Variants in NPHP4 observed in about 807,000 individuals in gnomAD.
NPHP4 encodes the protein nephrocystin 4.
Under a neutral mutation model 155.8 loss-of-function variants are expected in NPHP4, and 151 were observed. The observed-to-expected ratio is 0.97, with a 90% confidence interval of 0.85 to 1.11. The LOEUF (loss-of-function observed/expected upper bound fraction) is 1.11. NPHP4 is among the 50% of genes least tolerant of loss of function. NPHP4 has a pLI of 0.00. For synonymous variants in NPHP4, 845 were observed against 816.8 expected, an observed-to-expected ratio of 1.03 and a Z score of -0.59; for missense variants, 1,956 against 1,925.7, an observed-to-expected ratio of 1.02 and a Z score of -0.29.
chr1:5,985,987 T>C (rs960163245), intron 2 of NPHP4, among the ~76,000 whole-genome samples, 168 bp downstream of exon 2: 2 of 152,134 alleles, frequency 1.3e-5, no homozygotes, highest in African/African-American at 4.8e-5. Context: ...TGTAATATAT[T>C]GAAAACAGCA....
chr1:5,956,238 G>A (rs959926955), intron 6 of NPHP4, among the ~76,000 whole-genome samples: 3 of 152,226 alleles, frequency 2.0e-5, no homozygotes. Flanking sequence ...GCAGAAGTCA[G>A]TGCTCCTGGA....
At chr1:5,935,094 T>G (rs1646470785) in intron 9 of NPHP4, among the ~76,000 whole-genome samples, 1 of 152,214 alleles carries the variant, frequency 6.6e-6, no homozygotes, top group East Asian at 1.9e-4. Flanking sequence ...CAAGCAGATG[T>G]GAATACAGAA....
In NPHP4 at chr1:5,863,913, G is replaced by A. The variant is rs1417370808; in HGVS notation, c.4117C>T (p.Arg1373Trp). 15 of 1,613,926 alleles carry A rather than the reference G, an allele frequency of 9.3e-6. No homozygotes were observed. The highest frequency in any genetic ancestry group is 1.7e-4 in the Middle Eastern group (1 of 6,034). The change falls in exon 29 of 30, where the codon CGG becomes TGG. Residue 1373 changes from arginine to tryptophan, a missense_variant. Transcript: ENST00000378156. The stretch of plus-strand genomic sequence containing the variant: ...ACCTGGAAGGAGTCCTCTCTGAACC[G>A]CAGCAGCTCCGGGTGGTCGCTGTGC... The part of the protein sequence containing the change: ...HLHSDHPELL[R>W]FREDSFQVGG...
In NPHP4 at chr1:5,867,732, G is replaced by A. The variant is rs758973620; in HGVS notation, c.3472+8C>T. 6.2e-7 allele frequency: 1 copy of A among 1,608,302 alleles called. No individual in the cohort carries two copies. The highest frequency in any genetic ancestry group is 1.1e-5 in the South Asian group (1 of 91,078). On this transcript the variant is annotated splice_region_variant and intron_variant, in intron 24 of 29. Coordinates refer to ENST00000378156, the MANE Select transcript of NPHP4 (RefSeq NM_015102.5). This position sits in a 1 kb window ranked among gnomAD's most constrained non-coding sequence, Gnocchi z 4.1. ...ACATGTGGGCTGCAGGGTCAGTGCA[G>A]GACCTGCCTGGAAATGTGTGCCAGG...
chr1:5,879,315 G>A, intron 19 of NPHP4: 1 of 324,272 alleles, frequency 3.1e-6, no homozygotes, highest in Non-Finnish European at 6.1e-6. Context: ...CAAATGACAA[G>A]TACTTTATAC....
At chr1:5,977,131 A>G (rs999223398) in intron 3 of NPHP4, among the ~76,000 whole-genome samples, 1 of 150,856 alleles carries the variant, frequency 6.6e-6, no homozygotes, top group African/African-American at 2.4e-5. Flanking sequence ...AACTCCCCCC[A>G]CTCGAGTTCA....
intron 22 of NPHP4, chr1:5,873,904 C>T (rs768634073): frequency 2.8e-5 from 6 of 213,566 alleles, no homozygotes; most frequent in South Asian, 6.7e-5. Context: ...GACCCCTACA[C>T]GCACAACTCC....
intron 1 of NPHP4, among the ~76,000 whole-genome samples, chr1:5,990,776 G>A (rs1308581122): frequency 6.6e-6 from 1 of 152,206 alleles, no homozygotes; most frequent in Non-Finnish European, 1.5e-5. Flanking sequence ...GAGCACCAAA[G>A]GAACCCAGGG....
chr1:5,917,917 T>C (rs1010493481), intron 11 of NPHP4, among the ~76,000 whole-genome samples: 4 of 152,178 alleles, frequency 2.6e-5, no homozygotes, highest in African/African-American at 9.7e-5. Flanking sequence ...AGGCCTCCCC[T>C]TCCTACTGGC....
intron 16 of NPHP4, among the ~76,000 whole-genome samples, chr1:5,900,085 C>G (rs1644595833): frequency 6.6e-6 from 1 of 152,188 alleles, no homozygotes; most frequent in East Asian, 1.9e-4. Flanking sequence ...GGATATGGAG[C>G]AACCAGAATC....
intron 22 of NPHP4, chr1:5,873,554 C>A: frequency 1.7e-6 from 1 of 591,158 alleles, no homozygotes. Flanking sequence ...AAACCCGGCT[C>A]TGCCTGAAGC....
At chr1:5,979,209 C>T (rs1239748250) in intron 2 of NPHP4, among the ~76,000 whole-genome samples, 1 of 152,244 alleles carries the variant, frequency 6.6e-6, no homozygotes, top group Non-Finnish European at 1.5e-5. Flanking sequence ...GTTACTTACA[C>T]ATCTATTCTG....
At chr1:5,938,995 A>G (rs943842659) in intron 9 of NPHP4, among the ~76,000 whole-genome samples, 1 of 152,248 alleles carries the variant, frequency 6.6e-6, no homozygotes, top group Non-Finnish European at 1.5e-5. Flanking sequence ...TACTAAAAAC[A>G]TAATGCTATA....
intron 18 of NPHP4, 34 bp downstream of exon 18, chr1:5,887,252 G>A (rs757712543): frequency 1.5e-4 from 232 of 1,584,558 alleles, no homozygotes; most frequent in African/African-American, 1.9e-4. Flanking sequence ...TTGGGCGGCC[G>A]CTGGAGAAAT....
At chr1:5,909,586 G>A (rs1645077960) in intron 11 of NPHP4, among the ~76,000 whole-genome samples, 1 of 152,170 alleles carries the variant, frequency 6.6e-6, no homozygotes, top group Non-Finnish European at 1.5e-5. Context: ...CCCCAGTCTT[G>A]CAGCTCCCTG....
At chr1:5,891,497 G>A (rs892794397) in intron 16 of NPHP4, among the ~76,000 whole-genome samples, 107 of 152,306 alleles carry the variant, frequency 7.0e-4, no homozygotes, top group African/African-American at 2.4e-3. Context: ...AAAGCAGGAC[G>A]GCACCTGCCC....
At chr1:5,957,393 CT>C (rs1649447930) in intron 6 of NPHP4, among the ~76,000 whole-genome samples, 2 of 152,228 alleles carry the variant, frequency 1.3e-5, no homozygotes, top group South Asian at 4.1e-4. Flanking sequence ...CCCACAGCCT[CT>C]TGGGGACACA....
chr1:5,943,898 C>G (rs182098948), intron 9 of NPHP4, among the ~76,000 whole-genome samples: 2 of 152,200 alleles, frequency 1.3e-5, no homozygotes, highest in East Asian at 3.9e-4. Flanking sequence ...AGGATGCGGT[C>G]TCCAATAGCC....
intron 11 of NPHP4, among the ~76,000 whole-genome samples, chr1:5,918,754 A>T (rs1645592342): frequency 6.6e-6 from 1 of 152,066 alleles, no homozygotes. Flanking sequence ...GAAATTGGCC[A>T]TTTTTTTTAG....
Sources: allele counts gnomAD v4.1 joint callset (sites outside exome capture counted in the v4.1 genomes callset), GRCh38; gene constraint gnomAD v4.1.1; non-coding constraint Gnocchi (gnomAD v3.1); transcripts MANE v1.5; gene names NCBI Gene and HGNC (gene_info 2026-07-23, HGNC 2026-07-21).